LRFN5: variants seen among roughly 807,000 people sequenced by gnomAD.
LRFN5 encodes leucine-rich repeat and fibronectin type-III domain-containing protein 5.
In LRFN5, 24 loss-of-function variants were observed where a neutral mutation model predicts 45.6. The observed-to-expected ratio is 0.53, with a 90% CI of 0.38 to 0.74. The LOEUF (loss-of-function observed/expected upper bound fraction) is 0.74. Ranked by LOEUF, LRFN5 falls within the 30% of genes least tolerant of loss-of-function variation. The pLI is 0.00. For missense variants in LRFN5, 776 were observed against 861.5 expected, an observed-to-expected ratio of 0.90 and a Z score of 1.24; for synonymous variants, 340 against 313.8, an observed-to-expected ratio of 1.08 and a Z score of -0.88.
chr14:41,642,112 T>C (rs981795161), intron 1 of LRFN5, among the ~76,000 whole-genome samples: 15 of 152,248 alleles, frequency 9.9e-5, no homozygotes, highest in Middle Eastern at 6.8e-3. Context: ...TTTGAATTTG[T>C]TTGTAGCTTT....
chr14:41,759,448 T>TCTACAC (rs1491235053), intron 1 of LRFN5, among the ~76,000 whole-genome samples: 61 of 109,720 alleles, frequency 5.6e-4, no homozygotes, highest in East Asian at 1.3e-3. Context: ...TCTCTCTCTC[T>TCTACAC]ACACACACAC....
At chr14:41,812,340 A>G (rs771444881) in intron 2 of LRFN5, among the ~76,000 whole-genome samples, 1 of 151,866 alleles carries the variant, frequency 6.6e-6, no homozygotes, top group South Asian at 2.1e-4. Context: ...AGTTTTTTTT[A>G]AAGACTAGCA....
chr14:41,772,365 A>G (rs1001214845), intron 2 of LRFN5, among the ~76,000 whole-genome samples: 4 of 152,246 alleles, frequency 2.6e-5, no homozygotes, highest in African/African-American at 9.6e-5. Context: ...TTAGGTATAT[A>G]CTTCACTGCC....
At chr14:41,787,398 A>C (rs1265677994) in intron 2 of LRFN5, among the ~76,000 whole-genome samples, 1 of 152,124 alleles carries the variant, frequency 6.6e-6, no homozygotes, top group African/African-American at 2.4e-5. Context: ...AACTGCCTCC[A>C]CACAGAAAGT....
chr14:41,624,446 CT>C (rs1319787369), intron 1 of LRFN5, among the ~76,000 whole-genome samples: 1 of 151,966 alleles, frequency 6.6e-6, no homozygotes, highest in East Asian at 1.9e-4. Flanking sequence ...AAACATTAAA[CT>C]AGAAGGTTAA....
chr14:41,643,902 C>G (rs1594576374), intron 1 of LRFN5, among the ~76,000 whole-genome samples: 1 of 152,136 alleles, frequency 6.6e-6, no homozygotes, highest in South Asian at 2.1e-4. Flanking sequence ...CTGTAAGTCT[C>G]AAAGTGAATT....
chr14:41,736,455 T>G (rs1884435221), intron 1 of LRFN5, among the ~76,000 whole-genome samples: 1 of 152,198 alleles, frequency 6.6e-6, no homozygotes, highest in Non-Finnish European at 1.5e-5. Flanking sequence ...ATTTTTTTTC[T>G]TGTAAATTTG....
At chr14:41,689,563 AT>A (rs1296863848) in intron 1 of LRFN5, among the ~76,000 whole-genome samples, 1 of 152,196 alleles carries the variant, frequency 6.6e-6, no homozygotes, top group Non-Finnish European at 1.5e-5. Context: ...ATAAAGTCTA[AT>A]TAAGGTTATA....
At chr14:41,890,056 G>C (rs1019743566) in intron 3 of LRFN5, among the ~76,000 whole-genome samples, 2 of 152,026 alleles carry the variant, frequency 1.3e-5, no homozygotes, top group African/African-American at 4.8e-5. Context: ...TAGAGACGGT[G>C]TTTCACCGTA....
intron 1 of LRFN5, among the ~76,000 whole-genome samples, chr14:41,649,814 C>A (rs1880007808): frequency 6.6e-6 from 1 of 152,106 alleles, no homozygotes; most frequent in Non-Finnish European, 1.5e-5. Flanking sequence ...GCTATAAATT[C>A]CTACTTGACC....
chr14:41,667,487 G>C (rs771593027), intron 1 of LRFN5, among the ~76,000 whole-genome samples: 4 of 152,130 alleles, frequency 2.6e-5, no homozygotes, highest in African/African-American at 9.7e-5. Flanking sequence ...CCTCCATGTG[G>C]TTAGTGGCTA....
intron 1 of LRFN5, among the ~76,000 whole-genome samples, chr14:41,660,948 T>C (rs1005157587): frequency 5.9e-5 from 9 of 151,670 alleles, no homozygotes; most frequent in African/African-American, 1.9e-4. Flanking sequence ...ATAATAGCTA[T>C]AGCTCCAATC....
Position 41,890,722 on chromosome 14 carries a change from A to AAT in LRFN5, c.1386-527_1386-526insTA, listed in dbSNP as rs1555330154. On this transcript the variant is annotated intron_variant, in intron 3 of 5. Transcript: ENST00000298119. ...ACTCCGTCTCAAAAAAAAAAAAAAA[A>AAT]ACTTTAATCTTAGTAATAATCTTAG... Among the ~76,000 whole-genome samples, 864 of 150,176 alleles carry AAT rather than the reference A, an allele frequency of 5.8e-3. 10 individuals are homozygous for AAT. Among genetic ancestry groups the AAT allele is most frequent in the Non-Finnish European group, 8.7e-3 (585 of 67,460 alleles).
chr14:41,661,618 C>T (rs760569003), intron 1 of LRFN5, among the ~76,000 whole-genome samples: 1 of 151,960 alleles, frequency 6.6e-6, no homozygotes, highest in African/African-American at 2.4e-5. Context: ...TGAAGAAGCC[C>T]GCTGATTAGC....
intron 2 of LRFN5, among the ~76,000 whole-genome samples, chr14:41,885,940 G>A (rs1890553704): frequency 7.0e-6 from 1 of 143,498 alleles, no homozygotes; most frequent in African/African-American, 2.6e-5. Flanking sequence ...GTAATCGCTT[G>A]AACCTGGGAG....
Position 41,664,403 on chromosome 14 carries a change from T to C in LRFN5, c.-197+55841T>C, listed in dbSNP as rs533884112. Reference sequence around the variant, plus strand: ...CTTGTGACAATTTTTCTTGGTGGTATCTACTCCTGATATTAACAGGTTTGA... The same window carrying C: ...CTTGTGACAATTTTTCTTGGTGGTACCTACTCCTGATATTAACAGGTTTGA... On this transcript the variant is annotated intron_variant, in intron 1 of 5. Coordinates refer to ENST00000298119, the MANE Select transcript of LRFN5 (RefSeq NM_152447.5). 1.5e-3 allele frequency among the ~76,000 whole-genome samples: 232 copies of C among 152,144 alleles called. 1 individual carries two copies. Among genetic ancestry groups the C allele is most frequent in the Non-Finnish European group, 2.8e-3 (188 of 67,966 alleles).
intron 1 of LRFN5, among the ~76,000 whole-genome samples, chr14:41,643,455 C>T (rs559388259): frequency 1.3e-5 from 2 of 152,130 alleles, no homozygotes; most frequent in South Asian, 2.1e-4. Flanking sequence ...AATCCCCTTT[C>T]CCCCCACATA....
intron 1 of LRFN5, among the ~76,000 whole-genome samples, chr14:41,729,396 C>T (rs1411084285): frequency 6.6e-6 from 1 of 152,102 alleles, no homozygotes; most frequent in Admixed American, 6.6e-5. Flanking sequence ...GCAATAGAAG[C>T]AGATGCCAGC....
rs548409652 is a variant in LRFN5 at position 41,837,576 on chromosome 14, A to G, written c.-20-49030A>G. Among the ~76,000 whole-genome samples the G allele has an allele frequency of 4.6e-5, 7 of 152,344 alleles. No homozygotes were observed. In the East Asian group the frequency reaches 1.3e-3, roughly 29 times the overall value. On this transcript the variant is annotated intron_variant, in intron 2 of 5. Transcript: ENST00000298119. ...ATAACAACCCACTTTAGAGACAAAT[A>G]TAAATTTACATAAAGTAGTAAATAG...
Sources: gnomAD v4.1 joint callset for allele counts (sites outside exome capture counted in the v4.1 genomes callset) on GRCh38, gnomAD v4.1.1 for gene constraint, MANE v1.5 for transcripts, NCBI Gene and HGNC (gene_info 2026-07-23, HGNC 2026-07-21) for gene names.